Variants in PPM1L observed in about 807,000 individuals in gnomAD.
PPM1L encodes the protein protein phosphatase, Mg2+/Mn2+ dependent 1L.
A neutral mutation model predicts 31.4 loss-of-function variants in PPM1L; 13 were observed. That is an observed-to-expected ratio of 0.41 (90% CI 0.27 to 0.66). PPM1L has a LOEUF of 0.66. Ranked by LOEUF, PPM1L falls within the 30% of genes least tolerant of loss-of-function variation. The pLI is 0.29. For missense variants in PPM1L, 326 were observed against 453.7 expected (o/e 0.72, Z 2.56); for synonymous variants, 184 against 175.4 (o/e 1.05, Z -0.39).
chr3:161,062,998 G>C (rs575647812), intron 2 of PPM1L, among the ~76,000 whole-genome samples: 1 of 152,264 alleles, frequency 6.6e-6, no homozygotes, highest in East Asian at 1.9e-4. Context: ...GAAGAGAAGA[G>C]AGTCCTATAG....
rs551175251 is a variant in PPM1L at position 160,884,077 on chromosome 3, AT to A, written c.400-77649del. Among the ~76,000 whole-genome samples the A allele has an allele frequency of 4.2e-3, 612 of 147,458 alleles. 10 individuals carry two copies. The highest frequency in any genetic ancestry group is 5.6e-3 in the Non-Finnish European group (376 of 66,552). On this transcript the variant is annotated intron_variant, in intron 1 of 3. Coordinates refer to ENST00000498165, the MANE Select transcript of PPM1L (RefSeq NM_139245.4). The stretch of plus-strand genomic sequence containing the variant: ...AGAGTGAGACCCTGTCTCAAAAACC[AT>A]TTTTTTTTTCTTCATCTAAATAGGG...
chr3:161,042,070 C>T (rs989372665), intron 2 of PPM1L, among the ~76,000 whole-genome samples: 19 of 152,326 alleles, frequency 1.2e-4, no homozygotes, highest in African/African-American at 3.8e-4. Flanking sequence ...CCTTCCTCCC[C>T]ACCACCCTTG....
At chr3:161,036,599 A>G (rs1490709032) in intron 2 of PPM1L, among the ~76,000 whole-genome samples, 1 of 152,222 alleles carries the variant, frequency 6.6e-6, no homozygotes, top group African/African-American at 2.4e-5. Flanking sequence ...CTGTAGTCAT[A>G]GAGTTTGGTT....
intron 1 of PPM1L, among the ~76,000 whole-genome samples, chr3:160,814,894 A>T (rs1712948081): frequency 6.6e-6 from 1 of 152,094 alleles, no homozygotes; most frequent in Non-Finnish European, 1.5e-5. Context: ...AAGTGAAGTA[A>T]CTCAGGAATG....
chr3:160,816,478 GT>G (rs5853903), intron 1 of PPM1L, among the ~76,000 whole-genome samples: 61,531 of 145,622 alleles, frequency 0.42, 13,475 homozygotes, highest in East Asian at 0.65. Flanking sequence ...GACAGAGTCT[GT>G]TTTTTTTTTT....
At chr3:160,846,334 C>A (rs991875499) in intron 1 of PPM1L, among the ~76,000 whole-genome samples, 48 of 152,034 alleles carry the variant, frequency 3.2e-4, no homozygotes, top group Non-Finnish European at 5.0e-4. Context: ...TTTGTTGCCT[C>A]TTTGCAGTTA....
At chr3:161,035,106 G>A (rs931289107) in intron 2 of PPM1L, among the ~76,000 whole-genome samples, 5 of 148,970 alleles carry the variant, frequency 3.4e-5, no homozygotes, top group African/African-American at 1.2e-4. Flanking sequence ...CAAGGGGAAG[G>A]ATAGATGACT....
intron 1 of PPM1L, among the ~76,000 whole-genome samples, chr3:160,884,166 C>T (rs2108040171): frequency 6.6e-6 from 1 of 152,130 alleles, no homozygotes; most frequent in African/African-American, 2.4e-5. Flanking sequence ...ATTAGAAGAC[C>T]TACGGTTATG....
chr3:160,811,096 A>G (rs1269787598), intron 1 of PPM1L, among the ~76,000 whole-genome samples: 1 of 152,250 alleles, frequency 6.6e-6, no homozygotes, highest in African/African-American at 2.4e-5. Context: ...TGACAGATTA[A>G]TGCCTAAGCT....
At chr3:160,928,239 G>C (rs1018285507) in intron 1 of PPM1L, among the ~76,000 whole-genome samples, 1 of 152,112 alleles carries the variant, frequency 6.6e-6, no homozygotes, top group Non-Finnish European at 1.5e-5. Flanking sequence ...TGAGATAATG[G>C]ATGTAAAATT....
intron 1 of PPM1L, among the ~76,000 whole-genome samples, chr3:160,950,244 A>G (rs752701250): frequency 6.6e-6 from 1 of 152,134 alleles, no homozygotes; most frequent in Non-Finnish European, 1.5e-5. Flanking sequence ...CTAAGACTGA[A>G]TATTTACTTA....
intron 2 of PPM1L, among the ~76,000 whole-genome samples, chr3:160,965,905 C>A (rs936092189): frequency 2.0e-5 from 3 of 151,988 alleles, no homozygotes; most frequent in Admixed American, 6.6e-5. Context: ...GTCTAAACTT[C>A]TATTAATAAA....
At chr3:160,922,671 A>T (rs1239507403) in intron 1 of PPM1L, among the ~76,000 whole-genome samples, 1 of 152,230 alleles carries the variant, frequency 6.6e-6, no homozygotes, top group African/African-American at 2.4e-5. Context: ...ATATCTCAGT[A>T]TCTACTTTGA....
In PPM1L at chr3:161,035,186, G is replaced by A. The variant is rs181943574; in HGVS notation, c.575-30217G>A. On this transcript the variant is annotated intron_variant, in intron 2 of 3. Transcript: ENST00000498165. ...TAACAAACCTACACATTCTCCACAT[G>A]TATCCCAGAACTTAAAGTATAATTA... Among the ~76,000 whole-genome samples, 325 of 149,486 alleles carry A rather than the reference G, an allele frequency of 2.2e-3. 1 individual carries two copies. The highest frequency in any genetic ancestry group is 7.6e-3 in the African/African-American group (306 of 40,226).
intron 1 of PPM1L, among the ~76,000 whole-genome samples, chr3:160,876,170 C>G (rs1234341484): frequency 5.9e-5 from 9 of 152,170 alleles, no homozygotes; most frequent in Admixed American, 5.9e-4. Flanking sequence ...ATAACCTATC[C>G]TTCATGATGA....
chr3:161,046,907 T>A (rs1217823027), intron 2 of PPM1L, among the ~76,000 whole-genome samples: 2 of 152,110 alleles, frequency 1.3e-5, no homozygotes, highest in African/African-American at 4.8e-5. Context: ...TGCTAAAAAC[T>A]CTCAATAAAT....
chr3:160,983,842 C>G (rs1434506731), intron 2 of PPM1L, among the ~76,000 whole-genome samples: 1 of 152,134 alleles, frequency 6.6e-6, no homozygotes, highest in Non-Finnish European at 1.5e-5. Flanking sequence ...TCAGCAGGTT[C>G]CATGATGTCC....
intron 1 of PPM1L, among the ~76,000 whole-genome samples, chr3:160,895,211 G>GT (rs1252111715): frequency 6.6e-6 from 1 of 151,962 alleles, no homozygotes; most frequent in Non-Finnish European, 1.5e-5. Context: ...CATTTGTGGG[G>GT]TTTTTTTGTT....
At chr3:160,901,202 A>C (rs1215877933) in intron 1 of PPM1L, among the ~76,000 whole-genome samples, 1 of 152,112 alleles carries the variant, frequency 6.6e-6, no homozygotes, top group East Asian at 1.9e-4. Context: ...CTGTGACTGC[A>C]TGTTTCCCAT....
Sources: gnomAD v4.1 joint callset for allele counts (sites outside exome capture counted in the v4.1 genomes callset) on GRCh38, gnomAD v4.1.1 for gene constraint, MANE v1.5 for transcripts, NCBI Gene and HGNC (gene_info 2026-07-23, HGNC 2026-07-21) for gene names.